CLDN14: variants seen among roughly 807,000 people sequenced by gnomAD.
CLDN14 encodes the protein claudin 14, also known as claudin-14.
CLDN14 carries 2 observed loss-of-function variants against 2.1 expected under a neutral mutation model. The ratio of observed to expected loss-of-function variants is 0.96; its 90% CI spans 0.39 to 3.01. The LOEUF (loss-of-function observed/expected upper bound fraction) is 3.01, where lower values mean the gene tolerates loss of function less well. CLDN14 is among the 30% of genes most tolerant of loss of function. The probability of loss-of-function intolerance (pLI) is 0.09; values close to 1 mark genes in which losing one functional copy is unlikely to be tolerated. For missense variants in CLDN14, 298 were observed against 328.0 expected, an observed-to-expected ratio of 0.91 and a Z score of 0.71; for synonymous variants, 136 against 154.4, an observed-to-expected ratio of 0.88 and a Z score of 0.88.
intron 1 of CLDN14, among the ~76,000 whole-genome samples, chr21:36,561,164 A>G (rs1234850402): frequency 6.6e-6 from 1 of 152,138 alleles, no homozygotes; most frequent in East Asian, 1.9e-4. Context: ...GAGTGGTTTA[A>G]ACAGACTCCA....
chr21:36,511,976 A>G (rs16994205), intron 1 of CLDN14, among the ~76,000 whole-genome samples: 4,722 of 152,322 alleles, frequency 0.031, 250 homozygotes, highest in African/African-American at 0.11. Context: ...GTGTCTAGGC[A>G]TGTGGGTAAC....
chr21:36,533,134 G>A (rs2087394000), intron 1 of CLDN14, among the ~76,000 whole-genome samples: 1 of 152,182 alleles, frequency 6.6e-6, no homozygotes, highest in African/African-American at 2.4e-5. Flanking sequence ...ATTCGGTGGG[G>A]CCGGTCGGTA....
At chr21:36,465,015 C>G (rs1346742142) in intron 1 of CLDN14, among the ~76,000 whole-genome samples, 1 of 152,304 alleles carries the variant, frequency 6.6e-6, no homozygotes, top group East Asian at 1.9e-4. Flanking sequence ...GCCAGGGCAA[C>G]CAACTGCCCT....
intron 2 of CLDN14, among the ~76,000 whole-genome samples, chr21:36,488,588 A>C (rs2086924297): frequency 6.8e-6 from 1 of 147,034 alleles, no homozygotes; most frequent in African/African-American, 2.5e-5. Context: ...CACTTTTATG[A>C]GATACCTAGT....
Position 36,514,520 on chromosome 21 carries a change from T to C in CLDN14, c.-219-4020A>G, listed in dbSNP as rs528537910. 4.6e-5 allele frequency among the ~76,000 whole-genome samples: 7 copies of C among 152,294 alleles called. No individual in the cohort carries two copies. The East Asian group carries it at 7.7e-4, about 17-fold the overall frequency. ...GAATTAAACTCCACTCATCCCAAAC[T>C]GGTATTGATTTAAAATATCTTAAAC... On this transcript the variant is annotated intron_variant, in intron 1 of 2. Coordinates refer to the CLDN14 transcript ENST00000342108.
chr21:36,526,790 T>C (rs2087334107), intron 1 of CLDN14, among the ~76,000 whole-genome samples: 1 of 152,200 alleles, frequency 6.6e-6, no homozygotes, highest in Non-Finnish European at 1.5e-5. Flanking sequence ...TCCAGGCTTT[T>C]CCATACCTGC....
chr21:36,555,768 G>A (rs1317889827), intron 1 of CLDN14, among the ~76,000 whole-genome samples: 5 of 150,620 alleles, frequency 3.3e-5, no homozygotes, highest in Admixed American at 2.0e-4. Context: ...ACACAGCCAG[G>A]CATCTCCCAA....
At position 36,460,646 on chromosome 21, in the gene CLDN14, G is replaced by T. The variant is rs1017726154; in HGVS notation, c.*330C>A. The T allele has an allele frequency of 1.3e-5, 4 of 297,192 alleles. No individual in the cohort carries two copies. Among genetic ancestry groups the T allele is most frequent in the African/African-American group, 8.7e-5 (4 of 45,806 alleles). 18.4% of individuals were successfully genotyped at this position (297,192 alleles called of 1,614,324 possible). The stretch of plus-strand genomic sequence containing the variant: ...TTTCATAAACAGCCACATCCGCAAG[G>T]TTTATTCCTGGATCACAAACCAACC... On this transcript the variant is annotated 3_prime_UTR_variant, in exon 2 of 2. Transcript: ENST00000399135. The surrounding 1 kb of genome is among the most constrained non-coding windows in gnomAD (Gnocchi z 4.0).
intron 1 of CLDN14, among the ~76,000 whole-genome samples, chr21:36,520,867 G>T (rs1246908661): frequency 6.6e-6 from 1 of 152,050 alleles, no homozygotes; most frequent in East Asian, 1.9e-4. Flanking sequence ...CACCTGGGCA[G>T]ATAATGAAAA....
intron 2 of CLDN14, among the ~76,000 whole-genome samples, chr21:36,490,147 A>ATCAC (rs951329464): frequency 5.1e-4 from 77 of 152,288 alleles, no homozygotes; most frequent in African/African-American, 1.6e-3. Flanking sequence ...CTCAGATATC[A>ATCAC]TCAGATCCCC....
intron 1 of CLDN14, among the ~76,000 whole-genome samples, chr21:36,572,103 C>A (rs965487600): frequency 6.6e-6 from 1 of 152,200 alleles, no homozygotes; most frequent in Non-Finnish European, 1.5e-5. Context: ...ATTCTGTAAT[C>A]TGTAGCGTAC....
chr21:36,573,556 T>C (rs948846994), intron 1 of CLDN14, among the ~76,000 whole-genome samples: 1 of 152,158 alleles, frequency 6.6e-6, no homozygotes, highest in Non-Finnish European at 1.5e-5. Context: ...ACCACTACTA[T>C]AAAACTTTTA....
chr21:36,495,140 C>A lies in CLDN14; in HGVS notation c.-82+15223G>T, dbSNP rs557532879. On this transcript the variant is annotated intron_variant, in intron 2 of 2. Transcript: ENST00000342108. ...GTCAGGAGTTCGAGACTAGCCTGACCAACATTGTGAAACCCCTTCTCTACT... is the reference window on the plus strand; with the variant it reads ...GTCAGGAGTTCGAGACTAGCCTGACAAACATTGTGAAACCCCTTCTCTACT... Among the ~76,000 whole-genome samples, 3 of 152,216 alleles carry A rather than the reference C, an allele frequency of 2.0e-5. No homozygotes were observed. The South Asian group carries it at 6.2e-4, about 32-fold the overall frequency.
chr21:36,461,454 C>T lies in CLDN14; in HGVS notation c.242G>A (p.Arg81His), dbSNP rs368027306. The T allele has an allele frequency of 2.5e-5, 40 of 1,613,186 alleles. No individual in the cohort carries two copies. The highest frequency in any genetic ancestry group is 6.6e-5 in the South Asian group (6 of 91,088). ...LALPQDLQAA[R>H]ALMVISCLLS... is the part of the protein sequence containing the mutation. ...CAGGCAGGAGATGACCATGAGGGCG[C>T]GGGCAGCCTGGAGGTCTTGGGGCAG... Residue 81 changes from arginine to histidine, a missense_variant, in exon 2 of 2, where the codon CGC (arginine) becomes CAC (histidine). Coordinates refer to ENST00000399135, the MANE Select transcript of CLDN14 (RefSeq NM_001146079.2).
intron 2 of CLDN14, among the ~76,000 whole-genome samples, chr21:36,488,271 T>TTCCC (rs1555846835): frequency 5.9e-4 from 88 of 149,596 alleles, no homozygotes; most frequent in Middle Eastern, 3.4e-3. Flanking sequence ...CCTTCCTTCC[T>TTCCC]TCCCTCTCTC....
intron 1 of CLDN14, among the ~76,000 whole-genome samples, chr21:36,468,014 G>C (rs551066558): frequency 6.6e-6 from 1 of 152,302 alleles, no homozygotes; most frequent in African/African-American, 2.4e-5. Context: ...GGTCTGAATG[G>C]CTCTCGAGAT....
intron 1 of CLDN14, among the ~76,000 whole-genome samples, chr21:36,514,192 A>T (rs1277744193): frequency 6.6e-6 from 1 of 152,110 alleles, no homozygotes; most frequent in Non-Finnish European, 1.5e-5. Context: ...TGTAGCTGGG[A>T]GACAAAAGAC....
chr21:36,553,802 T>C (rs909873656), intron 1 of CLDN14, among the ~76,000 whole-genome samples: 3 of 152,066 alleles, frequency 2.0e-5, no homozygotes, highest in African/African-American at 4.8e-5. Flanking sequence ...GTGTGTGAGA[T>C]GAGGGATGAG....
In CLDN14 at chr21:36,571,424, T is replaced by G. The variant is rs558393491; in HGVS notation, c.-220+4987A>C. ...AATGCAGAGCTCATACAATGTCATG[T>G]GGAGGTTTGCTAGCTGTTATTTCTA... On this transcript the variant is annotated intron_variant, in intron 1 of 2. Coordinates refer to the CLDN14 transcript ENST00000342108. 3.3e-5 allele frequency among the ~76,000 whole-genome samples: 5 copies of G among 152,334 alleles called. No individual in the cohort carries two copies. In the South Asian group the frequency reaches 1.0e-3, roughly 32 times the overall value.
Sources: allele counts gnomAD v4.1 joint callset (sites outside exome capture counted in the v4.1 genomes callset), GRCh38; gene constraint gnomAD v4.1.1; non-coding constraint Gnocchi (gnomAD v3.1); transcripts MANE v1.5; gene names NCBI Gene and HGNC (gene_info 2026-07-23, HGNC 2026-07-21).